SYNE1: variants seen among roughly 807,000 people sequenced by gnomAD.
SYNE1 encodes nesprin-1.
Under a neutral mutation model 1,111.0 loss-of-function variants are expected in SYNE1, and 616 were observed. That is an observed-to-expected ratio of 0.55 (90% CI 0.52 to 0.59). SYNE1 has a LOEUF of 0.59. Ranked by LOEUF, SYNE1 falls within the 20% of genes least tolerant of loss-of-function variation. SYNE1 has a pLI of 0.00. For synonymous variants in SYNE1, 3,855 were observed against 3,825.8 expected (o/e 1.01, Z -0.28); for missense variants, 10,006 against 10,417.0 (o/e 0.96, Z 1.72).
chr6:152,453,372 G>A (rs2098667442), intron 25 of SYNE1: 1 of 684,096 alleles, frequency 1.5e-6, no homozygotes, highest in South Asian at 1.9e-5. Flanking sequence ...CGAGTAATAG[G>A]ATAAAATTGA....
At chr6:152,454,270 GTTC>G (rs1363581719) in intron 24 of SYNE1, among the ~76,000 whole-genome samples, 2 of 150,840 alleles carry the variant, frequency 1.3e-5, no homozygotes, top group African/African-American at 5.0e-5. Context: ...ACCAAATTGT[GTTC>G]TTCTTCAGAC....
At chr6:152,411,033 A>C (rs1280778320) in intron 42 of SYNE1, among the ~76,000 whole-genome samples, 1 of 152,262 alleles carries the variant, frequency 6.6e-6, no homozygotes, top group Non-Finnish European at 1.5e-5. Context: ...AAATGCCTAC[A>C]GAAATAGTCT....
At chr6:152,259,912 C>A (rs1472994978) in intron 101 of SYNE1, among the ~76,000 whole-genome samples, 1 of 152,010 alleles carries the variant, frequency 6.6e-6, no homozygotes, top group Non-Finnish European at 1.5e-5. Context: ...AATCCAAAGG[C>A]AAGGGAGGCA....
Position 152,329,996 on chromosome 6 carries a change from G to T in SYNE1, c.14689C>A (p.Leu4897Met). 6.2e-7 allele frequency: 1 copy of T among 1,614,196 alleles called. No individual in the cohort carries two copies. Among genetic ancestry groups the T allele is most frequent in the South Asian group, 1.1e-5 (1 of 91,082 alleles). The part of the protein sequence containing the change: ...IDFQTEMSRS[L>M]DWLRRVKAEL... The stretch of plus-strand genomic sequence containing the variant: ...GCCTTCACTCTCCTCAGCCAGTCCA[G>T]GGAGCGACTCATCTCAGTCTGGAAG... Residue 4897 changes from leucine (L) to methionine (M), a missense_variant, in exon 78 of 146, where the codon CTG becomes ATG. Leu to Met is a conservative substitution (Grantham distance 15). Transcript: ENST00000367255.
rs1171131843 is a variant in SYNE1 at position 152,133,367 on chromosome 6, A to G, written c.25910T>C (p.Val8637Ala). ...GAGAAGTTTGAGCCGATTTCCAATA[A>G]CATGGACTTTTTCTTTGGCTTCTAA... is the stretch of plus-strand genomic sequence containing the variant. ...DCLEAKEKVH[V>A]IGNRLKLLLK... Residue 8637 changes from valine to alanine, a missense_variant, in exon 143 of 146, where the codon GTT becomes GCT. By Grantham distance (64) the Val-to-Ala change is moderately conservative. This residue lies in a region of SYNE1 where 761 missense variants were observed against 795.5 expected (regional missense o/e 0.96). Transcript: ENST00000367255. 1 of 1,614,174 alleles carries G rather than the reference A, an allele frequency of 6.2e-7. No individual in the cohort carries two copies. Among genetic ancestry groups the G allele is most frequent in the Non-Finnish European group, 8.5e-7 (1 of 1,180,016 alleles).
Position 152,284,077 on chromosome 6 carries a change from G to T in SYNE1, c.18108C>A (p.Asp6036Glu). ...EELVSESCEA[D>E]PAEQLALQST... The stretch of plus-strand genomic sequence containing the variant: ...ACTGCAAGGCCAGCTGCTCCGCAGG[G>T]TCGGCCTCACAAGACTCGGATACCA... Residue 6036 changes from aspartate to glutamate, a missense_variant, in exon 96 of 146, where the codon GAC (aspartate) becomes GAA (glutamate). Asp to Glu is a conservative substitution (Grantham distance 45, BLOSUM62 2). Transcript: ENST00000367255. 6.2e-7 allele frequency: 1 copy of T among 1,614,186 alleles called. No individual in the cohort carries two copies. The highest frequency in any genetic ancestry group is 8.5e-7 in the Non-Finnish European group (1 of 1,180,018).
At chr6:152,264,206 C>CAAAAAAAAAAA (rs56714685) in intron 100 of SYNE1, among the ~76,000 whole-genome samples, 3 of 45,904 alleles carry the variant, frequency 6.5e-5, no homozygotes, top group Middle Eastern at 0.022. Flanking sequence ...GACTCCATCT[C>CAAAAAAAAAAA]AAAAAAAAAA....
intron 100 of SYNE1, among the ~76,000 whole-genome samples, chr6:152,264,863 A>C (rs1349515141): frequency 6.6e-6 from 1 of 152,030 alleles, no homozygotes; most frequent in African/African-American, 2.4e-5. Context: ...TAATGCAGAG[A>C]ATCTTTCCCA....
intron 96 of SYNE1, among the ~76,000 whole-genome samples, chr6:152,283,086 G>C (rs1240887639): frequency 6.6e-6 from 1 of 152,080 alleles, no homozygotes; most frequent in East Asian, 1.9e-4. Context: ...CAAACTACAG[G>C]AGCAACAATA....
At chr6:152,591,572 G>A (rs2099566233) in intron 3 of SYNE1, among the ~76,000 whole-genome samples, 1 of 152,090 alleles carries the variant, frequency 6.6e-6, no homozygotes, top group Non-Finnish European at 1.5e-5. Flanking sequence ...AGACAACCTA[G>A]GAAATATTCT....
At chr6:152,547,804 A>T (rs1564782906) in intron 3 of SYNE1, among the ~76,000 whole-genome samples, 1 of 152,104 alleles carries the variant, frequency 6.6e-6, no homozygotes. Context: ...ATTTAGCATA[A>T]TGTCCTTCAG....
In SYNE1 at chr6:152,628,195, A is replaced by G; in HGVS notation, c.67+70T>C. 3.9e-6 allele frequency: 6 copies of G among 1,549,892 alleles called. No homozygotes were observed. In the South Asian group the frequency reaches 6.7e-5, roughly 17 times the overall value. The stretch of plus-strand genomic sequence containing the variant: ...TCCATGAAATTGAGTAAAACCCCAA[A>G]CAAATTTAACTGATTGTGGGTTAAG... On this transcript the variant is annotated intron_variant, in intron 3 of 145. Coordinates refer to ENST00000367255, the MANE Select transcript of SYNE1 (RefSeq NM_182961.4).
chr6:152,137,610 T>C (rs2057368513), intron 140 of SYNE1, among the ~76,000 whole-genome samples: 1 of 152,166 alleles, frequency 6.6e-6, no homozygotes, highest in South Asian at 2.1e-4. Context: ...TCTGTATTAG[T>C]AATTGAGTAT....
chr6:152,221,996 G>A (rs931731724), intron 117 of SYNE1, among the ~76,000 whole-genome samples: 2 of 152,124 alleles, frequency 1.3e-5, no homozygotes, highest in African/African-American at 4.8e-5. Flanking sequence ...GACTTGCCCA[G>A]ACATGTCCAA....
At chr6:152,186,120 G>A (rs78234488) in intron 128 of SYNE1, among the ~76,000 whole-genome samples, 9,537 of 152,074 alleles carry the variant, frequency 0.063, 469 homozygotes, top group African/African-American at 0.14. Flanking sequence ...CACAAACATT[G>A]AAAAGAATAA....
intron 10 of SYNE1, among the ~76,000 whole-genome samples, chr6:152,502,067 CT>C (rs1218077430): frequency 1.3e-5 from 2 of 151,854 alleles, no homozygotes; most frequent in African/African-American, 4.8e-5. Flanking sequence ...TTTCCTTTTC[CT>C]TTTTTTCTTG....
intron 8 of SYNE1, among the ~76,000 whole-genome samples, chr6:152,509,107 C>G (rs960537977): frequency 6.6e-6 from 1 of 151,980 alleles, no homozygotes; most frequent in Non-Finnish European, 1.5e-5. Flanking sequence ...TTAGGAAAAT[C>G]AAACAAAAGC....
chr6:152,258,177 G>A (rs1253742213), intron 101 of SYNE1, among the ~76,000 whole-genome samples: 1 of 152,080 alleles, frequency 6.6e-6, no homozygotes, highest in African/African-American at 2.4e-5. Flanking sequence ...CAATATAGAG[G>A]CAACTAGCTG....
chr6:152,208,278 T>C (rs920012239), intron 124 of SYNE1, 72 bp from the exon 125 acceptor site: 9 of 1,361,614 alleles, frequency 6.6e-6, no homozygotes, highest in African/African-American at 4.3e-5. Flanking sequence ...AGCCAATGTA[T>C]ACACTGTCAA....
Sources: allele counts gnomAD v4.1 joint callset (sites outside exome capture counted in the v4.1 genomes callset), GRCh38; gene constraint gnomAD v4.1.1; regional missense constraint gnomAD v4.1.1; transcripts MANE v1.5; gene names NCBI Gene and HGNC (gene_info 2026-07-23, HGNC 2026-07-21).